Variants in ZNF25 observed in about 807,000 individuals in gnomAD.
The protein encoded by ZNF25 is zinc finger protein 25.
A neutral mutation model predicts 30.9 loss-of-function variants in ZNF25; 21 were observed. The ratio of observed to expected loss-of-function variants is 0.68; its 90% CI spans 0.48 to 0.98. The LOEUF is 0.98. ZNF25 is among the 50% of genes least tolerant of loss of function. ZNF25 has a pLI of 0.00. For synonymous variants in ZNF25, 169 were observed against 181.3 expected, an observed-to-expected ratio of 0.93 and a Z score of 0.55; for missense variants, 501 against 529.9, an observed-to-expected ratio of 0.95 and a Z score of 0.54.
At chr10:37,966,064 G>GA (rs988951560) in intron 2 of ZNF25, among the ~76,000 whole-genome samples, 3 of 151,892 alleles carry the variant, frequency 2.0e-5, no homozygotes, top group Non-Finnish European at 4.4e-5. Context: ...TGGTACATTA[G>GA]AAAAAAAATT....
intron 1 of ZNF25, among the ~76,000 whole-genome samples, chr10:37,972,569 G>A (rs2135451115): frequency 6.6e-6 from 1 of 152,294 alleles, no homozygotes; most frequent in East Asian, 1.9e-4. Context: ...GATGAACTCT[G>A]ACTTGAGAAT....
Position 37,953,847 on chromosome 10 carries a change from C to T in ZNF25, c.239-89G>A. ...ATTCTTAGGCTTCAGGCCAATTTCT[C>T]ATAATGAAAGAACCTCAAATGCAAA... On this transcript the variant is annotated intron_variant, in intron 4 of 5. Transcript: ENST00000302609. 2.4e-6 allele frequency: 3 copies of T among 1,234,162 alleles called. No homozygotes were observed. The South Asian group carries it at 4.0e-5, about 16-fold the overall frequency. 76.5% of individuals were successfully genotyped at this position (1,234,162 alleles called of 1,614,324 possible).
Position 37,952,422 on chromosome 10 carries a change from T to C in ZNF25, c.1076A>G (p.Lys359Arg), listed in dbSNP as rs748230784. Residue 359 changes from lysine (K) to arginine (R), a missense_variant, in exon 6 of 6, where the codon AAA becomes AGA. Transcript: ENST00000302609. ...KTFYYKSDLT[K>R]HQRKHTGEKP... Reference sequence around the variant, plus strand: ...CTCCCCTGTGTGTTTTCTCTGATGTTTAGTGAGGTCTGATTTATAGTAAAA... The same window carrying C: ...CTCCCCTGTGTGTTTTCTCTGATGTCTAGTGAGGTCTGATTTATAGTAAAA... 1 of 1,612,232 alleles carries C rather than the reference T, an allele frequency of 6.2e-7. No individual in the cohort carries two copies. Among genetic ancestry groups the C allele is most frequent in the Non-Finnish European group, 8.5e-7 (1 of 1,179,434 alleles).
intron 1 of ZNF25, among the ~76,000 whole-genome samples, chr10:37,973,511 C>T (rs113467598): frequency 0.011 from 1,660 of 148,570 alleles, 38 homozygotes; most frequent in African/African-American, 0.039. Flanking sequence ...CCCAGCTACT[C>T]GGGAGGTTGA....
In ZNF25 at chr10:37,952,097, A is replaced by T; in HGVS notation, c.*30T>A. On this transcript the variant is annotated 3_prime_UTR_variant, in exon 6 of 6. Coordinates refer to ENST00000302609, the MANE Select transcript of ZNF25 (RefSeq NM_145011.4). Reference sequence around the variant, plus strand: ...AATTATCTGATTGTTTTGAAGGATTAATTCAGTCAAGAGAATTTCCCAACT... The same window carrying T: ...AATTATCTGATTGTTTTGAAGGATTTATTCAGTCAAGAGAATTTCCCAACT... 6.6e-7 allele frequency: 1 copy of T among 1,522,236 alleles called. No homozygotes were observed. Among genetic ancestry groups the T allele is most frequent in the Non-Finnish European group, 8.8e-7 (1 of 1,134,644 alleles). The allele number at this position is 1,522,236 out of a possible 1,614,324, so 94.3% of individuals were successfully genotyped here.
chr10:37,955,720 C>T (rs946926722), intron 4 of ZNF25, among the ~76,000 whole-genome samples: 1 of 152,016 alleles, frequency 6.6e-6, no homozygotes, highest in Non-Finnish European at 1.5e-5. Flanking sequence ...CACTGTTGTC[C>T]AGGCTGGAGT....
chr10:37,960,764 A>G (rs1409306563), intron 2 of ZNF25, among the ~76,000 whole-genome samples: 2 of 152,148 alleles, frequency 1.3e-5, no homozygotes, highest in South Asian at 4.1e-4. Flanking sequence ...CTAGGAAACC[A>G]AAGAAAGGGA....
At position 37,973,612 on chromosome 10, in the gene ZNF25, A is replaced by AG. The variant is rs55861870; in HGVS notation, c.-85-1806dup. On this transcript the variant is annotated intron_variant, in intron 1 of 5. Coordinates refer to ENST00000302609, the MANE Select transcript of ZNF25 (RefSeq NM_145011.4). The stretch of plus-strand genomic sequence containing the variant: ...CCCTTGTCTCAAAAAAAAAAAAAAA[A>AG]GAGTATAAAACACTGATGAATGATA... Among the ~76,000 whole-genome samples, 3 of 151,250 alleles carry AG rather than the reference A, an allele frequency of 2.0e-5. No homozygotes were observed. In the South Asian group the frequency reaches 6.3e-4, roughly 32 times the overall value.
intron 4 of ZNF25, among the ~76,000 whole-genome samples, chr10:37,955,253 C>A (rs1251583165): frequency 6.6e-6 from 1 of 151,902 alleles, no homozygotes; most frequent in Non-Finnish European, 1.5e-5. Flanking sequence ...GTTGCATAGG[C>A]AAGAGAGGGC....
At chr10:37,969,898 A>C (rs2063392542) in intron 2 of ZNF25, among the ~76,000 whole-genome samples, 1 of 152,174 alleles carries the variant, frequency 6.6e-6, no homozygotes, top group Admixed American at 6.5e-5. Context: ...TCTTCCATAA[A>C]ACCAAGAAAA....
At chr10:37,959,721 T>C (rs2062739967) in intron 2 of ZNF25, among the ~76,000 whole-genome samples, 1 of 152,058 alleles carries the variant, frequency 6.6e-6, no homozygotes, top group Non-Finnish European at 1.5e-5. Context: ...GCCATTCTCC[T>C]GCCTCAGCCT....
At chr10:37,965,985 G>A (rs2063158191) in intron 2 of ZNF25, among the ~76,000 whole-genome samples, 1 of 152,042 alleles carries the variant, frequency 6.6e-6, no homozygotes, top group Admixed American at 6.6e-5. Flanking sequence ...AAAGTTAATT[G>A]TAATACTAAG....
At chr10:37,956,258 G>A (rs551322618) in intron 4 of ZNF25, among the ~76,000 whole-genome samples, 82 of 152,262 alleles carry the variant, frequency 5.4e-4, no homozygotes, top group Non-Finnish European at 5.9e-5. Flanking sequence ...TTTAATCTGA[G>A]CTCAGAGTTT....
intron 2 of ZNF25, among the ~76,000 whole-genome samples, chr10:37,959,800 C>A (rs538879376): frequency 6.6e-6 from 1 of 150,692 alleles, no homozygotes; most frequent in African/African-American, 2.4e-5. Flanking sequence ...AGTAGAGATG[C>A]GGTTTCAGCA....
chr10:37,969,857 A>C (rs185404459), intron 2 of ZNF25, among the ~76,000 whole-genome samples: 1 of 152,354 alleles, frequency 6.6e-6, no homozygotes, highest in African/African-American at 2.4e-5. Flanking sequence ...ATCAAACAAT[A>C]AGCCAGAAAC....
intron 1 of ZNF25, 99 bp from the exon 2 acceptor site, chr10:37,971,906 A>G (rs934913754): frequency 7.0e-6 from 5 of 712,752 alleles, no homozygotes; most frequent in East Asian, 5.4e-5. Flanking sequence ...ATGATGAAGT[A>G]GCACCCACCT....
chr10:37,952,793 A>C lies in ZNF25; in HGVS notation c.705T>G (p.Cys235Trp). Reference protein sequence around the residue: ...TGEKPFECTECGKFFYVKAYL... With the variant: ...TGEKPFECTEWGKFFYVKAYL... ...ATGCCTTCACATAGAAGAACTTCCC[A>C]CATTCAGTACATTCAAAAGGTTTCT... The change falls in exon 6 of 6, where the codon TGT (cysteine) becomes TGG (tryptophan). Residue 235 changes from cysteine (C) to tryptophan (W), a missense_variant. Transcript: ENST00000302609. 6.2e-7 allele frequency: 1 copy of C among 1,614,046 alleles called. No homozygotes were observed. Among genetic ancestry groups the C allele is most frequent in the Non-Finnish European group, 8.5e-7 (1 of 1,179,992 alleles).
chr10:37,958,908 G>A (rs888335408), intron 2 of ZNF25, among the ~76,000 whole-genome samples: 2 of 152,302 alleles, frequency 1.3e-5, no homozygotes, highest in South Asian at 4.1e-4. Flanking sequence ...AATTAGCCGG[G>A]CGTGGTGGCA....
intron 4 of ZNF25, 53 bp downstream of exon 4, chr10:37,956,967 A>G: frequency 7.6e-7 from 1 of 1,317,756 alleles, no homozygotes; most frequent in Non-Finnish European, 1.1e-6. Context: ...TTCAGAAGGC[A>G]AGAGGCACCA....
Sources: gnomAD v4.1 joint callset for allele counts (sites outside exome capture counted in the v4.1 genomes callset) on GRCh38, gnomAD v4.1.1 for gene constraint, MANE v1.5 for transcripts, NCBI Gene and HGNC (gene_info 2026-07-23, HGNC 2026-07-21) for gene names.